ERC2: variants seen among roughly 807,000 people sequenced by gnomAD.
ERC2 encodes the protein ELKS/RAB6-interacting/CAST family member 2.
In ERC2, 42 loss-of-function variants were observed where a neutral mutation model predicts 114.8. The ratio of observed to expected loss-of-function variants is 0.37; its 90% CI spans 0.29 to 0.47. The LOEUF (loss-of-function observed/expected upper bound fraction) is 0.47, where lower values mean the gene tolerates loss of function less well. Ranked by LOEUF, ERC2 falls within the 20% of genes least tolerant of loss-of-function variation. The pLI is 0.99. For missense variants in ERC2, 939 were observed against 1,150.7 expected (o/e 0.82, Z 2.66); for synonymous variants, 454 against 425.5 (o/e 1.07, Z -0.82).
chr3:55,591,600 TGC>T (rs57038726), intron 17 of ERC2, among the ~76,000 whole-genome samples: 36 of 142,406 alleles, frequency 2.5e-4, no homozygotes, highest in South Asian at 4.5e-4. Context: ...TGTGTGTGTG[TGC>T]GCGCGCGTGT....
At chr3:55,967,644 C>T (rs2068839616) in intron 12 of ERC2, among the ~76,000 whole-genome samples, 1 of 152,172 alleles carries the variant, frequency 6.6e-6, no homozygotes, top group Admixed American at 6.5e-5. Flanking sequence ...ATTTTATCTG[C>T]TGTGGTTTAA....
chr3:55,583,940 T>C (rs2057457362), intron 17 of ERC2, among the ~76,000 whole-genome samples: 1 of 152,128 alleles, frequency 6.6e-6, no homozygotes, highest in East Asian at 1.9e-4. Context: ...CAAGACTTTC[T>C]GGGATAGAAT....
intron 4 of ERC2, among the ~76,000 whole-genome samples, chr3:56,171,679 A>G (rs2082674982): frequency 6.6e-6 from 1 of 152,076 alleles, no homozygotes; most frequent in East Asian, 1.9e-4. Flanking sequence ...ATAATAAAAC[A>G]TAATGCTAAA....
intron 2 of ERC2, among the ~76,000 whole-genome samples, chr3:56,329,606 T>A (rs774975270): frequency 5.3e-5 from 8 of 152,222 alleles, no homozygotes; most frequent in Non-Finnish European, 1.0e-4. Context: ...CTTTCCTGTC[T>A]CTCCTAAAAA....
chr3:55,994,647 TAAAAAAAAAAAAA>T (rs10662566), intron 10 of ERC2, among the ~76,000 whole-genome samples: 5 of 61,396 alleles, frequency 8.1e-5, no homozygotes, highest in Admixed American at 2.7e-4. Context: ...ACATACTCCC[TAAAAAAAAAAAAA>T]AAAAAAAAAA....
At chr3:55,572,531 A>G (rs1378791441) in intron 17 of ERC2, among the ~76,000 whole-genome samples, 1 of 152,198 alleles carries the variant, frequency 6.6e-6, no homozygotes, top group African/African-American at 2.4e-5. Flanking sequence ...AAAATAACGA[A>G]TATTTATTGA....
intron 14 of ERC2, among the ~76,000 whole-genome samples, chr3:55,885,060 G>A (rs547961466): frequency 3.7e-4 from 57 of 152,106 alleles, no homozygotes; most frequent in African/African-American, 1.3e-3. Context: ...CTTGACTCAC[G>A]GCCTCACCCC....
chr3:55,695,980 T>G (rs981235984), intron 16 of ERC2, among the ~76,000 whole-genome samples: 11 of 152,172 alleles, frequency 7.2e-5, no homozygotes, highest in African/African-American at 2.2e-4. Flanking sequence ...ATGGAGCACT[T>G]TCACAAAATA....
At chr3:55,668,875 A>C (rs1021428941) in intron 17 of ERC2, among the ~76,000 whole-genome samples, 2 of 152,228 alleles carry the variant, frequency 1.3e-5, no homozygotes, top group African/African-American at 4.8e-5. Context: ...CAGGAACTTG[A>C]ATATTTAGCT....
intron 14 of ERC2, among the ~76,000 whole-genome samples, chr3:55,849,930 A>G (rs746184554): frequency 3.9e-5 from 6 of 152,236 alleles, no homozygotes; most frequent in Non-Finnish European, 8.8e-5. Context: ...ATGGTAACTT[A>G]AAACAACAAA....
intron 14 of ERC2, among the ~76,000 whole-genome samples, chr3:55,806,638 G>A (rs1407373556): frequency 1.3e-5 from 2 of 152,186 alleles, no homozygotes; most frequent in Admixed American, 6.5e-5. Context: ...CCAATGGGCA[G>A]AGGCCAGGGA....
At chr3:55,588,694 C>T (rs1355780099) in intron 17 of ERC2, among the ~76,000 whole-genome samples, 1 of 152,152 alleles carries the variant, frequency 6.6e-6, no homozygotes, top group Non-Finnish European at 1.5e-5. Flanking sequence ...CCAGAAAACC[C>T]TGACTCAGGA....
chr3:56,347,433 G>A (rs1004392175), intron 2 of ERC2, among the ~76,000 whole-genome samples: 1 of 152,028 alleles, frequency 6.6e-6, no homozygotes, highest in Middle Eastern at 3.4e-3. Flanking sequence ...AGGAAGGCTT[G>A]GCCCGTTCCT....
chr3:56,250,136 G>A (rs1200738517), intron 3 of ERC2, among the ~76,000 whole-genome samples: 3 of 152,274 alleles, frequency 2.0e-5, no homozygotes, highest in African/African-American at 4.8e-5. Flanking sequence ...GATTACAGGC[G>A]TGAGCCACCA....
At chr3:55,826,891 T>C (rs562435938) in intron 14 of ERC2, among the ~76,000 whole-genome samples, 3 of 152,288 alleles carry the variant, frequency 2.0e-5, no homozygotes, top group African/African-American at 7.2e-5. Flanking sequence ...GGGTTCCAAC[T>C]CTCCTGCCCA....
chr3:56,076,665 T>C (rs1340475364), intron 7 of ERC2, among the ~76,000 whole-genome samples: 2 of 152,164 alleles, frequency 1.3e-5, no homozygotes, highest in African/African-American at 2.4e-5. Flanking sequence ...CAAAAGTATG[T>C]TAGTAGGGCC....
At chr3:56,157,982 G>A (rs1197012983) in intron 4 of ERC2, among the ~76,000 whole-genome samples, 1 of 152,220 alleles carries the variant, frequency 6.6e-6, no homozygotes, top group African/African-American at 2.4e-5. Context: ...ATAAACGGTA[G>A]GCTGGGAACC....
intron 16 of ERC2, among the ~76,000 whole-genome samples, chr3:55,684,912 A>T (rs2062246266): frequency 6.6e-6 from 1 of 152,178 alleles, no homozygotes. Flanking sequence ...TCAGGAATAG[A>T]AGAAAAAAAA....
intron 13 of ERC2, among the ~76,000 whole-genome samples, chr3:55,949,038 A>T (rs1359257371): frequency 6.6e-6 from 1 of 152,168 alleles, no homozygotes; most frequent in African/African-American, 2.4e-5. Flanking sequence ...AATACACCAT[A>T]GCAAGGTGAG....
Sources: gnomAD v4.1 joint callset for allele counts (sites outside exome capture counted in the v4.1 genomes callset) on GRCh38, gnomAD v4.1.1 for gene constraint, MANE v1.5 for transcripts, NCBI Gene and HGNC (gene_info 2026-07-23, HGNC 2026-07-21) for gene names.